ZNF335: variants seen among roughly 807,000 people sequenced by gnomAD.
ZNF335 encodes zinc finger protein 335, also known as NRC-interacting factor 1.
ZNF335 carries 84 observed loss-of-function variants against 145.6 expected under a neutral mutation model. The ratio of observed to expected loss-of-function variants is 0.58; its 90% CI spans 0.48 to 0.69. The LOEUF is 0.69. Among genes scored for constraint, ZNF335 ranks in the 30% least tolerant of loss-of-function variants. The pLI, the probability that ZNF335 is intolerant of heterozygous loss-of-function variation, is 0.00. For synonymous variants in ZNF335, 761 were observed against 717.0 expected (o/e 1.06, Z -0.98); for missense variants, 1,865 against 1,809.7 (o/e 1.03, Z -0.55).
chr20:45,960,639 C>G lies in ZNF335; in HGVS notation c.1759G>C (p.Glu587Gln). ...LTQHMKTHSTEKPHMCDKCGK... is the reference protein window; with the variant it reads ...LTQHMKTHSTQKPHMCDKCGK... ...ACCTTGTCACACATGTGGGGCTTCT[C>G]AGTGCTGTGCGTCTTCATGTGCTGC... Residue 587 changes from glutamate (E) to glutamine (Q), a missense_variant, in exon 12 of 28, where the codon GAG (glutamate) becomes CAG (glutamine). Coordinates refer to ENST00000322927, the MANE Select transcript of ZNF335 (RefSeq NM_022095.4). 1 of 1,614,132 alleles carries G rather than the reference C, an allele frequency of 6.2e-7. No homozygotes were observed.
chr20:45,957,150 C>T (rs553026414), intron 17 of ZNF335, among the ~76,000 whole-genome samples: 38 of 152,226 alleles, frequency 2.5e-4, no homozygotes, highest in African/African-American at 8.2e-4. Context: ...CCCTGGAACG[C>T]GAGAGAGTGG....
intron 24 of ZNF335, 75 bp from the exon 25 acceptor site, chr20:45,949,643 G>C: frequency 6.7e-7 from 1 of 1,495,192 alleles, no homozygotes; most frequent in Non-Finnish European, 9.1e-7. Flanking sequence ...TAAGAAGGCA[G>C]AGTGGAAGAC....
rs2083588884 is a variant in ZNF335, at chr20:45,949,560, A to G, written c.3678T>C (p.Tyr1226=). ...GCTGGACACCATCCTGGGAGATGAT[A>G]TACTGCACCTGTTGGTGGGGGGGGC... ...HLVTSDNQVQ[Y]IISQDGVQHL... is the part of the protein sequence containing the mutation. The change falls in exon 25 of 28, where the codon TAT becomes TAC. Residue 1226 remains tyrosine (Y), a synonymous_variant. Coordinates refer to ENST00000322927, the MANE Select transcript of ZNF335 (RefSeq NM_022095.4). 1 of 1,611,714 alleles carries G rather than the reference A, an allele frequency of 6.2e-7. No homozygotes were observed. The highest frequency in any genetic ancestry group is 8.5e-7 in the Non-Finnish European group (1 of 1,179,438).
At chr20:45,967,673 TG>T (rs2083981570) in intron 5 of ZNF335, 39 bp from the exon 6 acceptor site, 1 of 1,611,230 alleles carries the variant, frequency 6.2e-7, no homozygotes, top group Non-Finnish European at 8.5e-7. Flanking sequence ...TTGCCATGTC[TG>T]GCTCCCAGCA....
At chr20:45,958,022 CTGT>C (rs1171437589) in intron 15 of ZNF335, 94 bp from the exon 16 acceptor site, 17 of 977,234 alleles carry the variant, frequency 1.7e-5, no homozygotes, top group African/African-American at 3.3e-5. Flanking sequence ...TGTTTTACAT[CTGT>C]TGGCTTGTTT....
At chr20:45,960,562 C>T (rs768071104) in intron 12 of ZNF335, 37 bp from the exon 13 acceptor site, 3 of 1,614,060 alleles carry the variant, frequency 1.9e-6, no homozygotes, top group Admixed American at 3.3e-5. Flanking sequence ...GGCGATCACC[C>T]TCCATCACCC....
Position 45,949,949 on chromosome 20 carries a change from C to T in ZNF335, c.3591+17G>A. ...CTGCCTGTCGCTGGCCAGAGGGCCC[C>T]CAGTCCTGACTCTTACCTGATTGGT... On this transcript the variant is annotated intron_variant, in intron 23 of 27. Transcript: ENST00000322927. 1 of 1,614,134 alleles carries T rather than the reference C, an allele frequency of 6.2e-7. No individual in the cohort carries two copies. Among genetic ancestry groups the T allele is most frequent in the Non-Finnish European group, 8.5e-7 (1 of 1,180,012 alleles).
At chr20:45,952,093 C>G in intron 20 of ZNF335, 54 bp downstream of exon 20, 1 of 1,534,662 alleles carries the variant, frequency 6.5e-7, no homozygotes, top group South Asian at 1.3e-5. Flanking sequence ...GTTTGTTATA[C>G]AAACGAGTAG....
chr20:45,949,352 G>A lies in ZNF335; in HGVS notation c.3800C>T (p.Pro1267Leu), dbSNP rs113958814. The change falls in exon 26 of 28, where the codon CCG becomes CTG. Residue 1267 changes from proline to leucine, a missense_variant. Pro to Leu is a moderately conservative substitution (Grantham distance 98, BLOSUM62 -3). Coordinates refer to ENST00000322927, the MANE Select transcript of ZNF335 (RefSeq NM_022095.4). ...CCCTACCTGGGACTCCTGAAGGAAC[G>A]GGGCTCCTTGTTCATACTGGATGTG... Reference protein sequence around the residue: ...ITHIQYEQGAPFLQESQIQYV... With the variant: ...ITHIQYEQGALFLQESQIQYV... The A allele has an allele frequency of 6.2e-6, 10 of 1,614,124 alleles. No homozygotes were observed. The highest frequency in any genetic ancestry group is 2.2e-5 in the South Asian group (2 of 91,092).
chr20:45,948,887 C>G lies in ZNF335; in HGVS notation c.*66G>C. 2 of 1,610,516 alleles carry G rather than the reference C, an allele frequency of 1.2e-6. No homozygotes were observed. The highest frequency in any genetic ancestry group is 2.2e-5 in the East Asian group (1 of 44,844). ...ATCCTAAATGAAGAGGGAGGTGAGT[C>G]CTGGTGGCCCCCTACCCCCAGGAGA... On this transcript the variant is annotated 3_prime_UTR_variant, in exon 28 of 28. Coordinates refer to ENST00000322927, the MANE Select transcript of ZNF335 (RefSeq NM_022095.4).
intron 6 of ZNF335, among the ~76,000 whole-genome samples, chr20:45,966,130 G>A (rs1222452339): frequency 6.6e-6 from 1 of 152,104 alleles, no homozygotes; most frequent in Non-Finnish European, 1.5e-5. Flanking sequence ...GCTGCCACCA[G>A]CCATATGTAG....
chr20:45,959,418 G>T lies in ZNF335; in HGVS notation c.2036C>A (p.Ala679Asp). The change falls in exon 15 of 28, where the codon GCC (alanine) becomes GAC (aspartate). Residue 679 changes from alanine (A) to aspartate (D), a missense_variant. Transcript: ENST00000322927. ...TGTGCTGAAGTGGCAGTACTCACAGGCGAAGGGCTTGGCCCCTGGAGGCAC... is the reference window on the plus strand; with the variant it reads ...TGTGCTGAAGTGGCAGTACTCACAGTCGAAGGGCTTGGCCCCTGGAGGCAC... The part of the protein sequence containing the change: ...AVKHTGAKPF[A>D]CEYCHFSTRH... The T allele has an allele frequency of 1.4e-6, 2 of 1,480,084 alleles. No homozygotes were observed. Among genetic ancestry groups the T allele is most frequent in the Non-Finnish European group, 1.8e-6 (2 of 1,100,626 alleles). The allele number at this position is 1,480,084 out of a possible 1,614,324, so 91.7% of individuals were successfully genotyped here.
Position 45,952,535 on chromosome 20 carries a change from G to T in ZNF335, c.2815-14C>A. On this transcript the variant is annotated splice_polypyrimidine_tract_variant and intron_variant, in intron 19 of 27. Coordinates refer to ENST00000322927, the MANE Select transcript of ZNF335 (RefSeq NM_022095.4). ...ATCTGCGGTGAGCTGTAGAGAGACA[G>T]GGAGCATGAGGTACTGAGAAGGGGA... 6.2e-7 allele frequency: 1 copy of T among 1,600,442 alleles called. No homozygotes were observed.
chr20:45,949,891 G>A lies in ZNF335; in HGVS notation c.3592-14C>T, dbSNP rs41280272. 0.016 allele frequency: 26,344 copies of A among 1,614,130 alleles called. 237 individuals carry two copies. The highest frequency in any genetic ancestry group is 0.019 in the Non-Finnish European group (22,541 of 1,180,002). On this transcript the variant is annotated splice_polypyrimidine_tract_variant and intron_variant, in intron 23 of 27. Coordinates refer to ENST00000322927, the MANE Select transcript of ZNF335 (RefSeq NM_022095.4). ...GGCGGCTTCCTCCTGCCAGGACCAAGACAGCTCTAGCCTCATTTCTCTACC... is the reference window on the plus strand; with the variant it reads ...GGCGGCTTCCTCCTGCCAGGACCAAAACAGCTCTAGCCTCATTTCTCTACC...
intron 1 of ZNF335, 102 bp downstream of exon 1, chr20:45,972,019 GA>G: frequency 8.1e-7 from 1 of 1,231,044 alleles, no homozygotes; most frequent in African/African-American, 1.6e-5. Flanking sequence ...GCCCTGTTCG[GA>G]CAGCCCCGCC....
rs1398524199 is a variant in ZNF335, at chr20:45,949,794, G to A, written c.3669+6C>T. ...CTGAGGGGATTAACAGTAGCTAGTAGCTCACCTGGTTGTCGGAGGTCACCA... is the reference window on the plus strand; with the variant it reads ...CTGAGGGGATTAACAGTAGCTAGTAACTCACCTGGTTGTCGGAGGTCACCA... On this transcript the variant is annotated splice_donor_region_variant and intron_variant, in intron 24 of 27. Coordinates refer to ENST00000322927, the MANE Select transcript of ZNF335 (RefSeq NM_022095.4). The A allele has an allele frequency of 6.2e-7, 1 of 1,614,042 alleles. No individual in the cohort carries two copies. The highest frequency in any genetic ancestry group is 1.3e-5 in the African/African-American group (1 of 75,040).
rs959335719 is a variant in ZNF335 at position 45,971,888 on chromosome 20, G to A, written c.-51+234C>T. The A allele has an allele frequency of 4.1e-6, 4 of 985,302 alleles. No individual in the cohort carries two copies. In the African/African-American group the frequency reaches 7.0e-5, roughly 17 times the overall value. 61.0% of individuals were successfully genotyped at this position (985,302 alleles called of 1,614,324 possible). ...GGCGGCTGACAGCGACGGTCTCGGG[G>A]CCTGGCGATTTGGGGCTGTCCCCGG... On this transcript the variant is annotated intron_variant, in intron 1 of 27. Coordinates refer to ENST00000322927, the MANE Select transcript of ZNF335 (RefSeq NM_022095.4).
rs755637424 is a variant in ZNF335 at position 45,949,811 on chromosome 20, A to C, written c.3658T>G (p.Ser1220Ala). Residue 1220 changes from serine (S) to alanine (A), a missense_variant, in exon 24 of 28, where the codon TCC becomes GCC. By Grantham distance (99) the Ser-to-Ala change is moderately conservative. Transcript: ENST00000322927. Reference protein sequence around the residue: ...DGQTVQHLVTSDNQVQYIISQ... With the variant: ...DGQTVQHLVTADNQVQYIISQ... ...AGCTAGTAGCTCACCTGGTTGTCGG[A>C]GGTCACCAGGTGCTGTACGGTCTGG... 14 of 1,613,888 alleles carry C rather than the reference A, an allele frequency of 8.7e-6. No individual in the cohort carries two copies. The Admixed American group carries it at 2.2e-4, about 25-fold the overall frequency.
intron 7 of ZNF335, among the ~76,000 whole-genome samples, chr20:45,965,155 A>G (rs1025330992): frequency 6.6e-6 from 1 of 152,018 alleles, no homozygotes; most frequent in Non-Finnish European, 1.5e-5. Flanking sequence ...GCATGCTGCT[A>G]TAACCTCCAT....
Sources: gnomAD v4.1 joint callset for allele counts (sites outside exome capture counted in the v4.1 genomes callset) on GRCh38, gnomAD v4.1.1 for gene constraint, MANE v1.5 for transcripts, NCBI Gene and HGNC (gene_info 2026-07-23, HGNC 2026-07-21) for gene names.